Variants in ATP8A2 observed in about 807,000 individuals in gnomAD.
ATP8A2 encodes ATPase phospholipid transporting 8A2.
A neutral mutation model predicts 165.6 loss-of-function variants in ATP8A2; 100 were observed. The ratio of observed to expected loss-of-function variants is 0.60; its 90% CI spans 0.51 to 0.71. The LOEUF is 0.71. Ranked by LOEUF, ATP8A2 falls within the 30% of genes least tolerant of loss-of-function variation. The probability of loss-of-function intolerance (pLI) is 0.00; values close to 1 mark genes in which losing one functional copy is unlikely to be tolerated. For missense variants in ATP8A2, 1,227 were observed against 1,479.5 expected (o/e 0.83, Z 2.80); for synonymous variants, 543 against 548.8 (o/e 0.99, Z 0.15).
At chr13:25,932,873 GTC>G (rs908438911) in intron 33 of ATP8A2, among the ~76,000 whole-genome samples, 18 of 152,092 alleles carry the variant, frequency 1.2e-4, no homozygotes, top group African/African-American at 4.3e-4. Flanking sequence ...TTGAGACGGA[GTC>G]TCACTCTGTC....
intron 33 of ATP8A2, chr13:25,927,086 A>G (rs752954753): frequency 4.4e-6 from 2 of 454,402 alleles, no homozygotes; most frequent in Non-Finnish European, 8.9e-6. Context: ...GTCTTCATTC[A>G]TTCACCTTCT....
intron 34 of ATP8A2, among the ~76,000 whole-genome samples, chr13:25,963,793 G>C (rs1030553727): frequency 6.6e-6 from 1 of 152,178 alleles, no homozygotes; most frequent in Non-Finnish European, 1.5e-5. Flanking sequence ...TTTCCAGTGC[G>C]TTCTGAGTAA....
At chr13:25,421,522 A>G (rs769283107) in intron 1 of ATP8A2, among the ~76,000 whole-genome samples, 5 of 152,108 alleles carry the variant, frequency 3.3e-5, no homozygotes, top group African/African-American at 4.8e-5. Flanking sequence ...TTTTGTAGAG[A>G]CAGGGTCTCA....
In ATP8A2 at chr13:25,372,301, G is replaced by A; in HGVS notation, c.76+13G>A. On this transcript the variant is annotated intron_variant, in intron 1 of 36. Coordinates refer to ENST00000381655, the MANE Select transcript of ATP8A2 (RefSeq NM_016529.6). This position sits in a 1 kb window ranked among gnomAD's most constrained non-coding sequence, Gnocchi z 4.8. Reference sequence around the variant, plus strand: ...CGCTCGTCCGTGGGTGAGCTGGGAGGGGCGCGGCGAGGGAGGGTGGGCCCG... The same window carrying A: ...CGCTCGTCCGTGGGTGAGCTGGGAGAGGCGCGGCGAGGGAGGGTGGGCCCG... The A allele has an allele frequency of 1.4e-6, 2 of 1,468,366 alleles. No individual in the cohort carries two copies. The highest frequency in any genetic ancestry group is 2.1e-4 in the Middle Eastern group (1 of 4,666). 91.0% of individuals were successfully genotyped at this position (1,468,366 alleles called of 1,614,324 possible).
At chr13:26,010,780 G>A (rs954437434) in intron 35 of ATP8A2, among the ~76,000 whole-genome samples, 4 of 152,256 alleles carry the variant, frequency 2.6e-5, no homozygotes, top group Admixed American at 2.6e-4. Context: ...GGGAGGACCA[G>A]TGTGAAAGGA....
chr13:25,531,366 A>ATGT (rs2038082839), intron 4 of ATP8A2, among the ~76,000 whole-genome samples: 5 of 127,434 alleles, frequency 3.9e-5, no homozygotes, highest in African/African-American at 1.3e-4. Context: ...TATATATGAT[A>ATGT]TATATATGTT....
intron 27 of ATP8A2, among the ~76,000 whole-genome samples, chr13:25,822,798 A>C (rs1886969): frequency 0.51 from 76,992 of 152,092 alleles, 20,432 homozygotes; most frequent in South Asian, 0.62. Context: ...TACAGGAGTC[A>C]TGTTTCACAT....
chr13:25,469,160 G>T, intron 2 of ATP8A2, 39 bp downstream of exon 2: 2 of 1,607,180 alleles, frequency 1.2e-6, no homozygotes, highest in Non-Finnish European at 1.7e-6. Context: ...AGGCGGTGGA[G>T]TCACAGCTGG....
chr13:25,662,665 T>G (rs1171365425), intron 24 of ATP8A2, among the ~76,000 whole-genome samples: 1 of 152,076 alleles, frequency 6.6e-6, no homozygotes, highest in East Asian at 1.9e-4. Flanking sequence ...TAAAATGAAT[T>G]AGTGAGTAAT....
At chr13:25,881,543 A>G (rs981329849) in intron 33 of ATP8A2, among the ~76,000 whole-genome samples, 1 of 152,260 alleles carries the variant, frequency 6.6e-6, no homozygotes. Context: ...CGTTATGTAT[A>G]CAAAAAGGAT....
At position 25,570,853 on chromosome 13, in the gene ATP8A2, C is replaced by T. The variant is rs558462263; in HGVS notation, c.1560C>T (p.Ile520=). 92 of 1,613,352 alleles carry T rather than the reference C, an allele frequency of 5.7e-5. No homozygotes were observed. The East Asian group carries it at 2.0e-3, about 34-fold the overall frequency. The change falls in exon 17 of 37, where the codon ATC becomes ATT. Residue 520 remains isoleucine (I), a synonymous_variant. Transcript: ENST00000381655. ...CTGAGAAGGATGGAGATAACATCATCTACCAGGCCTCTTCCCCAGGTGAGG... is the reference window on the plus strand; with the variant it reads ...CTGAGAAGGATGGAGATAACATCATTTACCAGGCCTCTTCCCCAGGTGAGG... ...VVPEKDGDNI[I]YQASSPDEAA...
At chr13:25,930,785 T>A (rs1255518921) in intron 33 of ATP8A2, among the ~76,000 whole-genome samples, 1 of 152,144 alleles carries the variant, frequency 6.6e-6, no homozygotes, top group Non-Finnish European at 1.5e-5. Flanking sequence ...TCACTGTCTG[T>A]CAGATAGAAT....
chr13:25,496,314 G>T (rs1255676864), intron 2 of ATP8A2, among the ~76,000 whole-genome samples: 2 of 152,124 alleles, frequency 1.3e-5, no homozygotes, highest in Non-Finnish European at 2.9e-5. Flanking sequence ...CCTGGCTCAT[G>T]TGCCACCTCC....
intron 33 of ATP8A2, among the ~76,000 whole-genome samples, chr13:25,924,172 A>G (rs920632251): frequency 5.9e-5 from 9 of 152,206 alleles, no homozygotes; most frequent in African/African-American, 1.9e-4. Context: ...AAGGCTTAAC[A>G]AGAACAATTA....
At chr13:25,841,008 C>A (rs1164765377) in intron 30 of ATP8A2, among the ~76,000 whole-genome samples, 1 of 152,226 alleles carries the variant, frequency 6.6e-6, no homozygotes, top group Non-Finnish European at 1.5e-5. Flanking sequence ...TTTTGACTCT[C>A]AGAAGCTTTA....
intron 1 of ATP8A2, among the ~76,000 whole-genome samples, chr13:25,388,796 C>T (rs965528453): frequency 2.0e-5 from 3 of 152,066 alleles, no homozygotes; most frequent in South Asian, 2.1e-4. Context: ...GAGCTAAACA[C>T]GGGAGCAGTG....
At chr13:25,862,650 C>A (rs1471817126) in intron 33 of ATP8A2, among the ~76,000 whole-genome samples, 4 of 152,200 alleles carry the variant, frequency 2.6e-5, no homozygotes, top group African/African-American at 9.7e-5. Flanking sequence ...AACTTAAATC[C>A]TCCGGCTTAT....
rs1292972153 is a variant in ATP8A2, at chr13:25,372,383, C to G, written c.76+95C>G. On this transcript the variant is annotated intron_variant, in intron 1 of 36. Transcript: ENST00000381655. This position sits in a 1 kb window ranked among gnomAD's most constrained non-coding sequence, Gnocchi z 4.8. The stretch of plus-strand genomic sequence containing the variant: ...TATGCGACACTGCCCCGCCCGCGCC[C>G]CGCTCCCCTCCCTGGGCTCCCTGGG... The G allele has an allele frequency of 1.1e-6, 1 of 917,838 alleles. No homozygotes were observed. The highest frequency in any genetic ancestry group is 2.8e-5 in the South Asian group (1 of 35,756). 56.9% of individuals were successfully genotyped at this position (917,838 alleles called of 1,614,324 possible).
intron 2 of ATP8A2, among the ~76,000 whole-genome samples, chr13:25,493,271 TTGG>T (rs2036578962): frequency 6.6e-6 from 1 of 152,250 alleles, no homozygotes; most frequent in Non-Finnish European, 1.5e-5. Flanking sequence ...TGTCTTAAAC[TTGG>T]TGGTGATGTT....
Sources: gnomAD v4.1 joint callset for allele counts (sites outside exome capture counted in the v4.1 genomes callset) on GRCh38, gnomAD v4.1.1 for gene constraint, Gnocchi (gnomAD v3.1) non-coding constraint, MANE v1.5 for transcripts, NCBI Gene and HGNC (gene_info 2026-07-23, HGNC 2026-07-21) for gene names.